RALYL: variants seen among roughly 807,000 people sequenced by gnomAD.
The protein encoded by RALYL is RNA-binding Raly-like protein.
RALYL carries 29 observed loss-of-function variants against 35.1 expected under a neutral mutation model. That is an observed-to-expected ratio of 0.83 (90% CI 0.61 to 1.13). The LOEUF is 1.13. Among genes scored for constraint, RALYL ranks in the 50% most tolerant of loss-of-function variants. The pLI, the probability that RALYL is intolerant of heterozygous loss-of-function variation, is 0.00. For synonymous variants in RALYL, 120 were observed against 127.6 expected (o/e 0.94, Z 0.40); for missense variants, 359 against 360.4 (o/e 1.00, Z 0.03).
At chr8:84,729,637 C>T (rs988146193) in intron 2 of RALYL, among the ~76,000 whole-genome samples, 2 of 151,856 alleles carry the variant, frequency 1.3e-5, no homozygotes, top group Non-Finnish European at 2.9e-5. Context: ...AGACCGCTAG[C>T]AAGACTAGTA....
intron 1 of RALYL, among the ~76,000 whole-genome samples, chr8:84,440,540 G>T (rs2048220385): frequency 1.3e-5 from 2 of 152,046 alleles, no homozygotes; most frequent in Admixed American, 1.3e-4. Flanking sequence ...CCAGCCCATA[G>T]TAATGACTGA....
At chr8:84,232,489 G>A (rs1825594728) in intron 1 of RALYL, among the ~76,000 whole-genome samples, 1 of 152,106 alleles carries the variant, frequency 6.6e-6, no homozygotes, top group African/African-American at 2.4e-5. Flanking sequence ...ATTTCAGTTA[G>A]ATAGGAGGAA....
intron 2 of RALYL, among the ~76,000 whole-genome samples, chr8:84,561,592 A>G (rs1192433970): frequency 6.6e-6 from 1 of 151,994 alleles, no homozygotes; most frequent in East Asian, 1.9e-4. Flanking sequence ...ATAAAATAGA[A>G]CAATTATAAC....
chr8:84,645,006 T>A (rs1785171469), intron 2 of RALYL, among the ~76,000 whole-genome samples: 2 of 151,984 alleles, frequency 1.3e-5, no homozygotes, highest in South Asian at 4.1e-4. Flanking sequence ...TCCCTCAGCC[T>A]CCCAAAATGC....
At chr8:84,305,416 A>C (rs1342898886) in intron 1 of RALYL, among the ~76,000 whole-genome samples, 1 of 152,212 alleles carries the variant, frequency 6.6e-6, no homozygotes, top group African/African-American at 2.4e-5. Flanking sequence ...GGAGGATATT[A>C]AAAAACAGTT....
intron 2 of RALYL, among the ~76,000 whole-genome samples, chr8:84,664,554 G>T (rs112256431): frequency 0.081 from 12,257 of 151,940 alleles, 1,252 homozygotes; most frequent in African/African-American, 0.24. Flanking sequence ...TCCCTGCTTA[G>T]CTGTATTCCT....
At chr8:84,258,147 C>T (rs1054621360) in intron 1 of RALYL, among the ~76,000 whole-genome samples, 3 of 152,082 alleles carry the variant, frequency 2.0e-5, no homozygotes, top group African/African-American at 7.2e-5. Context: ...ATCAGGTGTT[C>T]AATAAGGTGG....
chr8:84,380,477 A>G (rs1221130343), intron 1 of RALYL, among the ~76,000 whole-genome samples: 1 of 151,862 alleles, frequency 6.6e-6, no homozygotes, highest in Non-Finnish European at 1.5e-5. Flanking sequence ...ACCTGAGTTT[A>G]CTAGGTCATG....
chr8:84,586,753 C>T (rs1160230270), intron 2 of RALYL, among the ~76,000 whole-genome samples: 1 of 152,010 alleles, frequency 6.6e-6, no homozygotes, highest in Non-Finnish European at 1.5e-5. Flanking sequence ...AGGTCAATCC[C>T]ATATACTTAT....
chr8:84,680,185 T>A (rs1473658116), intron 2 of RALYL, among the ~76,000 whole-genome samples: 2 of 152,270 alleles, frequency 1.3e-5, no homozygotes, highest in Non-Finnish European at 2.9e-5. Context: ...TGAACTCATC[T>A]TTTTTATGGC....
At chr8:84,368,929 A>G (rs1314023967) in intron 1 of RALYL, among the ~76,000 whole-genome samples, 1 of 152,184 alleles carries the variant, frequency 6.6e-6, no homozygotes, top group Non-Finnish European at 1.5e-5. Context: ...CATCAACTTC[A>G]TGGCAAGTTT....
At chr8:84,262,074 G>A (rs1229657973) in intron 1 of RALYL, among the ~76,000 whole-genome samples, 1 of 152,048 alleles carries the variant, frequency 6.6e-6, no homozygotes, top group African/African-American at 2.4e-5. Context: ...AATAAATTCA[G>A]CTCTGTTCTG....
chr8:84,524,190 C>T (rs1026374862), intron 1 of RALYL, among the ~76,000 whole-genome samples: 3 of 152,040 alleles, frequency 2.0e-5, no homozygotes, highest in Non-Finnish European at 4.4e-5. Flanking sequence ...AAAATTTTTG[C>T]AACCTACTCA....
chr8:84,558,192 TC>T (rs1326935317), intron 2 of RALYL, among the ~76,000 whole-genome samples: 1 of 152,172 alleles, frequency 6.6e-6, no homozygotes, highest in Non-Finnish European at 1.5e-5. Context: ...ATTGTACTTT[TC>T]CTTAATAAGG....
intron 1 of RALYL, among the ~76,000 whole-genome samples, chr8:84,341,594 G>A (rs1158219157): frequency 1.3e-5 from 2 of 151,682 alleles, no homozygotes; most frequent in African/African-American, 4.8e-5. Context: ...AATTTAAATT[G>A]CCCTTGAAAA....
At chr8:84,346,820 A>G (rs1391761846) in intron 1 of RALYL, among the ~76,000 whole-genome samples, 2 of 152,146 alleles carry the variant, frequency 1.3e-5, no homozygotes, top group Non-Finnish European at 2.9e-5. Context: ...CCATAGCTTG[A>G]AAGTAAAAAT....
intron 2 of RALYL, among the ~76,000 whole-genome samples, chr8:84,741,018 C>T (rs988825832): frequency 6.6e-6 from 1 of 151,832 alleles, no homozygotes; most frequent in African/African-American, 2.4e-5. Context: ...GCAGGAAGGA[C>T]AGGATGGAGG....
At chr8:84,609,462 G>A (rs1276383941) in intron 2 of RALYL, among the ~76,000 whole-genome samples, 2 of 151,984 alleles carry the variant, frequency 1.3e-5, no homozygotes, top group African/African-American at 4.8e-5. Flanking sequence ...TGTCTGTTTT[G>A]TGAAACTCAA....
At chr8:84,452,149 A>G (rs1028071596) in intron 1 of RALYL, among the ~76,000 whole-genome samples, 1 of 151,816 alleles carries the variant, frequency 6.6e-6, no homozygotes, top group Admixed American at 6.6e-5. Context: ...TCTTACCCGT[A>G]AGGCAGTCTG....
Sources: gnomAD v4.1 joint callset for allele counts (sites outside exome capture counted in the v4.1 genomes callset) on GRCh38, gnomAD v4.1.1 for gene constraint, MANE v1.5 for transcripts, NCBI Gene and HGNC (gene_info 2026-07-23, HGNC 2026-07-21) for gene names.